Variants in CCDC178 observed in about 807,000 individuals in gnomAD.
CCDC178 encodes coiled-coil domain-containing protein 178.
Under a neutral mutation model 117.4 loss-of-function variants are expected in CCDC178, and 126 were observed. The observed-to-expected ratio is 1.07, with a 90% CI of 0.93 to 1.24. The LOEUF is 1.24. Among genes scored for constraint, CCDC178 ranks in the 50% most tolerant of loss-of-function variants. The pLI is 0.00. For missense variants in CCDC178, 1,030 were observed against 986.9 expected (o/e 1.04, Z -0.59); for synonymous variants, 283 against 313.4 (o/e 0.90, Z 1.02).
chr18:33,275,693 G>C (rs939551160), intron 12 of CCDC178, among the ~76,000 whole-genome samples: 2 of 114,812 alleles, frequency 1.7e-5, no homozygotes, highest in East Asian at 3.4e-4. Context: ...GGAGGGAGGG[G>C]AAGCGGGGAG....
intron 20 of CCDC178, among the ~76,000 whole-genome samples, chr18:33,109,272 TAACAC>T (rs1189404490): frequency 2.0e-5 from 3 of 151,688 alleles, no homozygotes; most frequent in Non-Finnish European, 3.0e-5. Flanking sequence ...CTTATATAGA[TAACAC>T]AAGGAGAATA....
At chr18:33,334,064 A>G (rs2062708735) in intron 9 of CCDC178, among the ~76,000 whole-genome samples, 1 of 152,130 alleles carries the variant, frequency 6.6e-6, no homozygotes, top group African/African-American at 2.4e-5. Flanking sequence ...ACTTACAAAT[A>G]TCAGAACGAA....
chr18:32,937,953 G>T lies in CCDC178; in HGVS notation c.*58C>A. On this transcript the variant is annotated 3_prime_UTR_variant, in exon 23 of 23. Transcript: ENST00000383096. ...TGAATGTCCAATTACACTGTTATCT[G>T]AACTGTGTGACTTTTCTTGTCTTTT... 7.6e-7 allele frequency: 1 copy of T among 1,322,252 alleles called. No individual in the cohort carries two copies. The highest frequency in any genetic ancestry group is 1.2e-5 in the South Asian group (1 of 84,800). The allele number at this position is 1,322,252 out of a possible 1,614,324, so 81.9% of individuals were successfully genotyped here.
intron 15 of CCDC178, among the ~76,000 whole-genome samples, chr18:33,232,856 T>C (rs978477163): frequency 2.6e-5 from 4 of 152,192 alleles, no homozygotes; most frequent in African/African-American, 9.6e-5. Flanking sequence ...TCTCATCTAC[T>C]ACAAAAGCAG....
At chr18:33,064,145 G>A (rs543758590) in intron 21 of CCDC178, among the ~76,000 whole-genome samples, 1 of 152,274 alleles carries the variant, frequency 6.6e-6, no homozygotes, top group Admixed American at 6.5e-5. Context: ...ATAGGAAAAA[G>A]CAAGGAAAAT....
At chr18:33,437,409 TC>T (rs2064307224) in intron 2 of CCDC178, among the ~76,000 whole-genome samples, 5 of 152,292 alleles carry the variant, frequency 3.3e-5, no homozygotes, top group Admixed American at 3.3e-4. Context: ...TTGTTGCCCC[TC>T]CACCTTTGCT....
intron 11 of CCDC178, among the ~76,000 whole-genome samples, chr18:33,310,636 A>G (rs1336175102): frequency 6.6e-6 from 1 of 152,134 alleles, no homozygotes; most frequent in Admixed American, 6.5e-5. Flanking sequence ...CAGTGAGCTG[A>G]GATTGCAACA....
rs562962735 is a variant in CCDC178 at position 32,954,346 on chromosome 18, G to T, written c.2524-16255C>A. The stretch of plus-strand genomic sequence containing the variant: ...GAACCCTTCTTACAAGGGTTTTAGA[G>T]ACTTCTGAAGAAGATATGTATGTAT... On this transcript the variant is annotated intron_variant, in intron 22 of 22. Coordinates refer to ENST00000383096, the MANE Select transcript of CCDC178 (RefSeq NM_001105528.4). Among the ~76,000 whole-genome samples, 5 of 152,160 alleles carry T rather than the reference G, an allele frequency of 3.3e-5. No homozygotes were observed. In the East Asian group the frequency reaches 9.7e-4, roughly 29 times the overall value.
intron 22 of CCDC178, among the ~76,000 whole-genome samples, chr18:32,956,200 C>T (rs998158499): frequency 2.8e-4 from 42 of 152,050 alleles, no homozygotes; most frequent in African/African-American, 8.9e-4. Context: ...GGCTAAGATC[C>T]TGGCTATCCA....
In CCDC178 at chr18:33,356,193, T is replaced by C. The variant is rs1038068981; in HGVS notation, c.371+131A>G. 6 of 897,538 alleles carry C rather than the reference T, an allele frequency of 6.7e-6. No individual in the cohort carries two copies. The African/African-American group carries it at 8.8e-5, about 13-fold the overall frequency. 55.6% of individuals were successfully genotyped at this position (897,538 alleles called of 1,614,324 possible). A position where few individuals can be genotyped will look rare whatever the true frequency, so the allele number is the denominator to read the frequency against. ...TCATTCTTATATTTTAAAAAATATA[T>C]TGCAATATCTATTGTGAAAAATCTT... On this transcript the variant is annotated intron_variant, in intron 7 of 22. Coordinates refer to ENST00000383096, the MANE Select transcript of CCDC178 (RefSeq NM_001105528.4).
chr18:33,406,855 A>G (rs564206312), intron 3 of CCDC178, among the ~76,000 whole-genome samples: 67 of 152,292 alleles, frequency 4.4e-4, no homozygotes, highest in Admixed American at 3.0e-3. Flanking sequence ...TCTGGCAAAC[A>G]TACTAATTGA....
chr18:33,287,788 G>T (rs1035573845), intron 12 of CCDC178, among the ~76,000 whole-genome samples: 1 of 151,718 alleles, frequency 6.6e-6, no homozygotes, highest in Non-Finnish European at 1.5e-5. Context: ...CAAAATAAAT[G>T]AATGAATAAA....
intron 11 of CCDC178, chr18:33,323,176 T>A (rs1039144211): frequency 2.9e-4 from 47 of 164,414 alleles, no homozygotes; most frequent in African/African-American, 6.9e-4. Context: ...TGGATTTTTT[T>A]AAAATAGTTA....
chr18:33,056,217 C>A (rs2144944421), intron 21 of CCDC178, among the ~76,000 whole-genome samples: 1 of 152,290 alleles, frequency 6.6e-6, no homozygotes, highest in South Asian at 2.1e-4. Context: ...TGGCTTCTGC[C>A]TTCATCTTAG....
chr18:33,258,574 T>C (rs371711640), intron 14 of CCDC178, among the ~76,000 whole-genome samples: 1 of 152,194 alleles, frequency 6.6e-6, no homozygotes, highest in East Asian at 1.9e-4. Flanking sequence ...TTTAACTATA[T>C]ATTCATTAGT....
At position 33,295,368 on chromosome 18, in the gene CCDC178, T is replaced by A. The variant is rs560887621; in HGVS notation, c.1023-2056A>T. Among the ~76,000 whole-genome samples, 46 of 152,174 alleles carry A rather than the reference T, an allele frequency of 3.0e-4. 1 individual carries two copies. The highest frequency in any genetic ancestry group is 3.4e-3 in the Middle Eastern group (1 of 294). ...TAATATTTTTAGAAAACAAATTTCTTTGTGACAGGATTAGGGCAAGATTTC... is the reference window on the plus strand; with the variant it reads ...TAATATTTTTAGAAAACAAATTTCTATGTGACAGGATTAGGGCAAGATTTC... On this transcript the variant is annotated intron_variant, in intron 11 of 22. Coordinates refer to ENST00000383096, the MANE Select transcript of CCDC178 (RefSeq NM_001105528.4).
intron 21 of CCDC178, among the ~76,000 whole-genome samples, chr18:33,027,758 A>G (rs924365223): frequency 6.6e-6 from 1 of 151,714 alleles, no homozygotes; most frequent in Non-Finnish European, 1.5e-5. Context: ...AAAGTCATAA[A>G]ATTTCAAGTG....
chr18:33,183,298 C>T (rs185768185), intron 20 of CCDC178, among the ~76,000 whole-genome samples: 27 of 152,060 alleles, frequency 1.8e-4, no homozygotes, highest in Admixed American at 8.5e-4. Flanking sequence ...CGCCAAGATG[C>T]CTGGCGGATT....
intron 2 of CCDC178, among the ~76,000 whole-genome samples, chr18:33,414,286 T>TA (rs1383810877): frequency 6.6e-6 from 1 of 152,146 alleles, no homozygotes; most frequent in Non-Finnish European, 1.5e-5. Context: ...TTAATGTAGC[T>TA]GTGACTAGGC....
Sources: allele counts gnomAD v4.1 joint callset (sites outside exome capture counted in the v4.1 genomes callset), GRCh38; gene constraint gnomAD v4.1.1; transcripts MANE v1.5; gene names NCBI Gene and HGNC (gene_info 2026-07-23, HGNC 2026-07-21).